The following C1QTNF4 variants were observed in gnomAD, a reference collection of about 807,000 sequenced individuals.
C1QTNF4 encodes complement C1q tumor necrosis factor-related protein 4.
C1QTNF4 carries 12 observed loss-of-function variants against 14.6 expected under a neutral mutation model. That is an observed-to-expected ratio of 0.82 (90% confidence interval 0.53 to 1.33). The LOEUF (loss-of-function observed/expected upper bound fraction) is 1.33. C1QTNF4 is among the 40% of genes most tolerant of loss of function. C1QTNF4 has a pLI of 0.00. For synonymous variants in C1QTNF4, 278 were observed against 246.6 expected, an observed-to-expected ratio of 1.13 and a Z score of -1.19; for missense variants, 558 against 500.3, an observed-to-expected ratio of 1.12 and a Z score of -1.10.
chr11:47,590,786 G>A lies in C1QTNF4; in HGVS notation c.25C>T (p.Leu9=), dbSNP rs1466528128. Residue 9 remains leucine, a synonymous_variant, in exon 2 of 2, where the codon CTG becomes TTG. Transcript: ENST00000302514. MLPLLLGL[L]GPAACWALGP... ...AGGGCCCAGCAGGCCGCTGGGCCCA[G>A]CAGGCCCAGCAGAAGCGGCAGCATG... 6.6e-7 allele frequency: 1 copy of A among 1,518,282 alleles called. No individual in the cohort carries two copies. Among genetic ancestry groups the A allele is most frequent in the Non-Finnish European group, 8.8e-7 (1 of 1,139,372 alleles). 94.1% of individuals were successfully genotyped at this position (1,518,282 alleles called of 1,614,324 possible). A position where few individuals can be genotyped will look rare whatever the true frequency, so the allele number is the denominator to read the frequency against.
Position 47,589,787 on chromosome 11 carries a change from CCTGGCCCTCCCGGGCTCTTCT to C in C1QTNF4, c.*13_*33del. 4 of 1,473,552 alleles carry C rather than the reference CCTGGCCCTCCCGGGCTCTTCT, an allele frequency of 2.7e-6. No homozygotes were observed. The highest frequency in any genetic ancestry group is 3.6e-6 in the Non-Finnish European group (4 of 1,112,104). The allele number at this position is 1,473,552 out of a possible 1,614,324, so 91.3% of individuals were successfully genotyped here. A position where few individuals can be genotyped will look rare whatever the true frequency, so the allele number is the denominator to read the frequency against. ...TCCGGCCCGGCCTGGCATGCACGCC[CCTGGCCCTCCCGGGCTCTTCT>C]CTGGCCCGGGGCTCACAGTAGCTCC... On this transcript the variant is annotated 3_prime_UTR_variant, in exon 2 of 2. Coordinates refer to ENST00000302514, the MANE Select transcript of C1QTNF4 (RefSeq NM_031909.3).
At position 47,590,233 on chromosome 11, in the gene C1QTNF4, C is replaced by A. The variant is rs1215377937; in HGVS notation, c.578G>T (p.Gly193Val). 1 of 1,519,480 alleles carries A rather than the reference C, an allele frequency of 6.6e-7. No homozygotes were observed. Among genetic ancestry groups the A allele is most frequent in the East Asian group, 2.4e-5 (1 of 42,472 alleles). The allele number at this position is 1,519,480 out of a possible 1,614,324, so 94.1% of individuals were successfully genotyped here. A position where few individuals can be genotyped will look rare whatever the true frequency, so the allele number is the denominator to read the frequency against. Reference sequence around the variant, plus strand: ...GAGTGGTTGGTGCCGCGGCCCGGGGCCAGCGTCCGAGCCCACCAAGCTGCG... The same window carrying A: ...GAGTGGTTGGTGCCGCGGCCCGGGGACAGCGTCCGAGCCCACCAAGCTGCG... The part of the protein sequence containing the change: ...RTRSLVGSDA[G>V]PGPRHQPLAF... Residue 193 changes from glycine to valine, a missense_variant, in exon 2 of 2, where the codon GGC becomes GTC. By Grantham distance (109) the Gly-to-Val change is moderately radical (BLOSUM62 -3). Transcript: ENST00000302514.
chr11:47,590,667 C>A lies in C1QTNF4; in HGVS notation c.144G>T (p.Val48=). The part of the protein sequence containing the change: ...TPLEGTSEMA[V]TFDKVYVNIG... The stretch of plus-strand genomic sequence containing the variant: ...TGTTCACGTACACCTTGTCGAAGGT[C>A]ACCGCCATCTCCGACGTGCCCTCCA... Residue 48 remains valine (V), a synonymous_variant, in exon 2 of 2, where the codon GTG becomes GTT. Coordinates refer to ENST00000302514, the MANE Select transcript of C1QTNF4 (RefSeq NM_031909.3). 6.2e-7 allele frequency: 1 copy of A among 1,611,738 alleles called. No individual in the cohort carries two copies. Among genetic ancestry groups the A allele is most frequent in the Non-Finnish European group, 8.5e-7 (1 of 1,179,498 alleles).
Position 47,590,501 on chromosome 11 carries a change from G to T in C1QTNF4, c.310C>A (p.Leu104Met). 1 of 1,559,116 alleles carries T rather than the reference G, an allele frequency of 6.4e-7. No homozygotes were observed. The change falls in exon 2 of 2, where the codon CTG becomes ATG. Residue 104 changes from leucine to methionine, a missense_variant. Transcript: ENST00000302514. ...LVRNRDEVQA[L>M]AFDEQRRPGA... ...GGCCGCCGCTGCTCGTCGAAGGCCA[G>T]CGCCTGCACCTCGTCGCGGTTTCGC...
chr11:47,591,710 G>A (rs1368338819), intron 1 of C1QTNF4, among the ~76,000 whole-genome samples: 1 of 152,154 alleles, frequency 6.6e-6, no homozygotes, highest in Non-Finnish European at 1.5e-5. Context: ...TTAAGTGAAA[G>A]CTTGAACACA....
In C1QTNF4 at chr11:47,590,026, C is replaced by CG; in HGVS notation, c.784_785insC (p.Gly262AlafsTer?). On this transcript the variant is annotated frameshift_variant, in exon 2 of 2. Transcript: ENST00000302514. LOFTEE classifies it high-confidence loss of function. ...CTGCATCTCGCGGCGCCGCGACGCG[C>CG]CGTCGTCGTAAATCATGGCCTGCAC... 1 of 1,612,084 alleles carries CG rather than the reference C, an allele frequency of 6.2e-7. No homozygotes were observed.
At chr11:47,590,876 G>A in intron 1 of C1QTNF4, 61 bp from the exon 2 acceptor site, 5 of 1,431,966 alleles carry the variant, frequency 3.5e-6, no homozygotes, top group Non-Finnish European at 4.6e-6. Flanking sequence ...CAAACGCCCG[G>A]CTCTCCACCG....
In C1QTNF4 at chr11:47,590,692, AG is replaced by A. The variant is rs747640589; in HGVS notation, c.118del (p.Leu40TrpfsTer9). ...SAFSAARTTP[L>X]EGTSEMAVTF... ...CACCGCCATCTCCGACGTGCCCTCC[AG>A]GGGGGTGGTGCGTGCCGCCGAGAAG... is the stretch of plus-strand genomic sequence containing the variant. On this transcript the variant is annotated frameshift_variant, in exon 2 of 2. Coordinates refer to ENST00000302514, the MANE Select transcript of C1QTNF4 (RefSeq NM_031909.3). LOFTEE classifies it high-confidence loss of function. The A allele has an allele frequency of 3.1e-6, 5 of 1,610,764 alleles. No individual in the cohort carries two copies. The highest frequency in any genetic ancestry group is 2.7e-5 in the African/African-American group (2 of 74,730).
chr11:47,592,373 C>G (rs895244481), intron 1 of C1QTNF4, among the ~76,000 whole-genome samples: 5 of 152,194 alleles, frequency 3.3e-5, no homozygotes, highest in African/African-American at 1.2e-4. Flanking sequence ...GAAGAGACCT[C>G]ACACACAGGC....
At chr11:47,595,260 G>C (rs1160678127), upstream of C1QTNF4, among the ~76,000 whole-genome samples, 1 of 152,240 alleles carries the variant, frequency 6.6e-6, no homozygotes, top group Non-Finnish European at 1.5e-5. Flanking sequence ...TCCCCTGACG[G>C]CTGTAGAGGT....
chr11:47,594,529 ACCT>A (rs939120949), upstream of C1QTNF4: 6 of 152,266 alleles, frequency 3.9e-5, no homozygotes, highest in African/African-American at 1.2e-4. Context: ...CTCATCTGTG[ACCT>A]CCTTAGAGCT....
intron 1 of C1QTNF4, among the ~76,000 whole-genome samples, chr11:47,591,939 A>G (rs774846992): frequency 1.3e-5 from 2 of 152,192 alleles, no homozygotes; most frequent in Non-Finnish European, 2.9e-5. Context: ...AACGCTCTGC[A>G]TGACCGTTAC....
At chr11:47,595,200 G>A (rs34749200), upstream of C1QTNF4, among the ~76,000 whole-genome samples, 746 of 152,342 alleles carry the variant, frequency 4.9e-3, 8 homozygotes, top group African/African-American at 0.017. Flanking sequence ...TCTGGGCTTC[G>A]AGCCCGTGGG....
In C1QTNF4 at chr11:47,589,750, G is replaced by T; in HGVS notation, c.*71C>A. 4 of 1,381,874 alleles carry T rather than the reference G, an allele frequency of 2.9e-6. No homozygotes were observed. Among genetic ancestry groups the T allele is most frequent in the Middle Eastern group, 2.6e-4 (1 of 3,870 alleles). The allele number at this position is 1,381,874 out of a possible 1,614,324, so 85.6% of individuals were successfully genotyped here. ...CCCGGAGGCCGTGGCGCTCGCGCGG[G>T]ACTTTCGAGCCTCCGGCCCGGCCTG... On this transcript the variant is annotated 3_prime_UTR_variant, in exon 2 of 2. Coordinates refer to ENST00000302514, the MANE Select transcript of C1QTNF4 (RefSeq NM_031909.3).
At position 47,590,345 on chromosome 11, in the gene C1QTNF4, C is replaced by G. The variant is rs2097274656; in HGVS notation, c.466G>C (p.Val156Leu). The change falls in exon 2 of 2, where the codon GTC becomes CTC. Residue 156 changes from valine (V) to leucine (L), a missense_variant. Physicochemically the swap from Val to Leu is conservative, Grantham distance 32. Coordinates refer to ENST00000302514, the MANE Select transcript of C1QTNF4 (RefSeq NM_031909.3). Reference sequence around the variant, plus strand: ...GCGTCAGCGTCGGCGTCGGCGTAGACTAGGTAGCCGCTGAAGGTGGCGCCG... The same window carrying G: ...GCGTCAGCGTCGGCGTCGGCGTAGAGTAGGTAGCCGCTGAAGGTGGCGCCG... ...APGATFSGYL[V>L]YADADADAPA... is the part of the protein sequence containing the mutation. 6 of 1,358,516 alleles carry G rather than the reference C, an allele frequency of 4.4e-6. No individual in the cohort carries two copies. Among genetic ancestry groups the G allele is most frequent in the Non-Finnish European group, 5.6e-6 (6 of 1,063,318 alleles). The allele number at this position is 1,358,516 out of a possible 1,614,324, so 84.2% of individuals were successfully genotyped here.
At chr11:47,591,703 A>C (rs1386286440) in intron 1 of C1QTNF4, among the ~76,000 whole-genome samples, 1 of 152,160 alleles carries the variant, frequency 6.6e-6, no homozygotes, top group African/African-American at 2.4e-5. Context: ...CCCTTTCTTA[A>C]GTGAAAGCTT....
chr11:47,589,764 C>T lies in C1QTNF4; in HGVS notation c.*57G>A, dbSNP rs10769279. On this transcript the variant is annotated 3_prime_UTR_variant, in exon 2 of 2. Transcript: ENST00000302514. ...CGCTCGCGCGGGACTTTCGAGCCTCCGGCCCGGCCTGGCATGCACGCCCCT... is the reference window on the plus strand; with the variant it reads ...CGCTCGCGCGGGACTTTCGAGCCTCTGGCCCGGCCTGGCATGCACGCCCCT... The T allele has an allele frequency of 9.9e-6, 14 of 1,414,674 alleles. No homozygotes were observed. Among genetic ancestry groups the T allele is most frequent in the East Asian group, 2.7e-5 (1 of 36,810 alleles). 87.6% of individuals were successfully genotyped at this position (1,414,674 alleles called of 1,614,324 possible).
chr11:47,593,122 A>AT (rs2097276405), intron 1 of C1QTNF4, among the ~76,000 whole-genome samples: 2 of 152,132 alleles, frequency 1.3e-5, no homozygotes, highest in Admixed American at 6.5e-5. Flanking sequence ...CATTTTATAG[A>AT]TGAGAAAGCT....
chr11:47,590,260 G>C lies in C1QTNF4; in HGVS notation c.551C>G (p.Thr184Arg). The C allele has an allele frequency of 2.9e-6, 4 of 1,402,640 alleles. No homozygotes were observed. Among genetic ancestry groups the C allele is most frequent in the East Asian group, 5.7e-5 (2 of 35,166 alleles). The allele number at this position is 1,402,640 out of a possible 1,614,324, so 86.9% of individuals were successfully genotyped here. ...AGCGTCCGAGCCCACCAAGCTGCGC[G>C]TGCGCGCCGCCGAGAAGGCCGAGCG... ...EPRSAFSAAR[T>R]RSLVGSDAGP... The change falls in exon 2 of 2, where the codon ACG (threonine) becomes AGG (arginine). Residue 184 changes from threonine to arginine, a missense_variant. Thr to Arg is a moderately conservative substitution (Grantham distance 71). Transcript: ENST00000302514.
Sources: gnomAD v4.1 joint callset for allele counts (sites outside exome capture counted in the v4.1 genomes callset) on GRCh38, gnomAD v4.1.1 for gene constraint, MANE v1.5 for transcripts, NCBI Gene and HGNC (gene_info 2026-07-23, HGNC 2026-07-21) for gene names.